Variants in TTLL6 observed in about 807,000 individuals in gnomAD.
The protein encoded by TTLL6 is tubulin tyrosine ligase like 6.
Under a neutral mutation model 96.4 loss-of-function variants are expected in TTLL6, and 75 were observed. That is an observed-to-expected ratio of 0.78 (90% CI 0.65 to 0.94). The LOEUF is 0.94. Among genes scored for constraint, TTLL6 ranks in the 40% least tolerant of loss-of-function variants. TTLL6 has a pLI of 0.00. For missense variants in TTLL6, 1,030 were observed against 1,093.0 expected, an observed-to-expected ratio of 0.94 and a Z score of 0.81; for synonymous variants, 411 against 419.4, an observed-to-expected ratio of 0.98 and a Z score of 0.24.
chr17:48,804,992 C>G lies in TTLL6; in HGVS notation c.104-1G>C. 6.4e-7 allele frequency: 1 copy of G among 1,550,768 alleles called. No individual in the cohort carries two copies. The highest frequency in any genetic ancestry group is 8.7e-7 in the Non-Finnish European group (1 of 1,146,286). The stretch of plus-strand genomic sequence containing the variant: ...GAGGCTCTGGGGAAATACCAGGCCC[C>G]TAGAGAGAGGGCAGAGGGAGCCGCA... On this transcript the variant is annotated splice_acceptor_variant, in intron 1 of 15. Transcript: ENST00000393382. LOFTEE classifies it high-confidence loss of function.
chr17:48,805,108 A>C (rs1183878557), intron 1 of TTLL6, 117 bp from the exon 2 acceptor site: 1 of 799,136 alleles, frequency 1.3e-6, no homozygotes, highest in African/African-American at 1.7e-5. Context: ...GTTGCAGTTT[A>C]TAAAATGCCA....
intron 11 of TTLL6, among the ~76,000 whole-genome samples, chr17:48,787,262 G>A (rs2039118527): frequency 6.6e-6 from 1 of 152,202 alleles, no homozygotes; most frequent in South Asian, 2.1e-4. Context: ...AATCCATGAG[G>A]CAGCTTTGAG....
At chr17:48,768,391 C>T (rs948776292) in intron 15 of TTLL6, among the ~76,000 whole-genome samples, 8 of 152,256 alleles carry the variant, frequency 5.3e-5, no homozygotes, top group South Asian at 2.1e-4. Context: ...CTGCCTCAGC[C>T]TCCCGAGTGG....
rs548015570 is a variant in TTLL6, at chr17:48,771,107, C to T, written c.2041-1010G>A. Among the ~76,000 whole-genome samples the T allele has an allele frequency of 3.7e-3, 561 of 152,246 alleles. 3 individuals carry two copies. The highest frequency in any genetic ancestry group is 6.7e-3 in the Non-Finnish European group (456 of 68,024). ...GGCTAGAGGTAAAGTTTGAGGCAAT[C>T]AGAGAAGCCAGAGAAACAGAGTGTA... On this transcript the variant is annotated intron_variant, in intron 13 of 15. Coordinates refer to ENST00000393382, the MANE Select transcript of TTLL6 (RefSeq NM_001130918.3).
intron 5 of TTLL6, chr17:48,799,983 C>T (rs2039381714): frequency 1.8e-6 from 1 of 550,252 alleles, no homozygotes; most frequent in East Asian, 3.0e-5. Flanking sequence ...AGCAACACCA[C>T]TTACCAGTGG....
rs2039087648 is a variant in TTLL6 at position 48,786,172 on chromosome 17, AG to A, written c.1752del (p.Ser585ProfsTer8). On this transcript the variant is annotated frameshift_variant, in exon 12 of 16. Transcript: ENST00000393382. LOFTEE classifies it high-confidence loss of function. The stretch of plus-strand genomic sequence containing the variant: ...CCTCAATCCAGGTTTACCTGTTTGG[AG>A]GCTTGGGTGGCGGCCTTGTCTTTCT... ...QQQKDKAATQASKQYIQPLTL... is the reference protein window; with the variant it reads ...QQQKDKAATQXSKQYIQPLTL... 6.2e-7 allele frequency: 1 copy of A among 1,614,012 alleles called. No individual in the cohort carries two copies. The highest frequency in any genetic ancestry group is 8.5e-7 in the Non-Finnish European group (1 of 1,180,012).
At position 48,777,767 on chromosome 17, in the gene TTLL6, C is replaced by T. The variant is rs1272551417; in HGVS notation, c.2040+7156G>A. Among the ~76,000 whole-genome samples the T allele has an allele frequency of 7.3e-5, 11 of 150,680 alleles. 1 individual carries two copies. The South Asian group carries it at 8.4e-4, about 11-fold the overall frequency. Reference sequence around the variant, plus strand: ...AATATACAAAAATACAAAAATTAGCCGGGCATGGTGGTGGGCGCCTGTAGT... The same window carrying T: ...AATATACAAAAATACAAAAATTAGCTGGGCATGGTGGTGGGCGCCTGTAGT... On this transcript the variant is annotated intron_variant, in intron 13 of 15. Coordinates refer to ENST00000393382, the MANE Select transcript of TTLL6 (RefSeq NM_001130918.3).
Position 48,804,880 on chromosome 17 carries a change from T to C in TTLL6, c.215A>G (p.Glu72Gly). 6 of 1,552,316 alleles carry C rather than the reference T, an allele frequency of 3.9e-6. No homozygotes were observed. The highest frequency in any genetic ancestry group is 5.2e-6 in the Non-Finnish European group (6 of 1,147,128). ...CAGCGCGACGGTTTCTTTTGGATCT[T>C]CTTTGGAACTGTCCCCCTTCTCTTC... ...NSEEKGDSSK[E>G]DPKETVALAF... Residue 72 changes from glutamate (E) to glycine (G), a missense_variant, in exon 2 of 16, where the codon GAA becomes GGA. Glu to Gly is a moderately conservative substitution (Grantham distance 98, BLOSUM62 -2). Transcript: ENST00000393382.
chr17:48,791,507 G>A lies in TTLL6; in HGVS notation c.1095C>T (p.Ile365=). ...TATGCCTGATGATGGGGTGGGCCGAGATGAGGGTCTTGATGATGACGTCCT... is the reference window on the plus strand; with the variant it reads ...TATGCCTGATGATGGGGTGGGCCGAAATGAGGGTCTTGATGATGACGTCCT... ...DIEDVIIKTL[I]SAHPIIRHNY... Residue 365 remains isoleucine, a synonymous_variant, in exon 9 of 16, where the codon ATC becomes ATT. Transcript: ENST00000393382. 1 of 1,614,224 alleles carries A rather than the reference G, an allele frequency of 6.2e-7. No individual in the cohort carries two copies. Among genetic ancestry groups the A allele is most frequent in the Non-Finnish European group, 8.5e-7 (1 of 1,180,044 alleles).
rs1394629541 is a variant in TTLL6 at position 48,799,681 on chromosome 17, T to A, written c.691A>T (p.Lys231Ter). The A allele has an allele frequency of 6.4e-7, 1 of 1,551,834 alleles. No individual in the cohort carries two copies. The highest frequency in any genetic ancestry group is 8.7e-7 in the Non-Finnish European group (1 of 1,147,006). ...ACTGTCCGGGTGATGAATATACCTT[T>A]CCCTTGGCAGCCCGAATCCGGCTTA... ...ICKPDSGCQG[K>*]GIFITRTVKE... is the part of the protein sequence containing the mutation. Residue 231 changes from lysine to a stop codon, truncating the protein, a stop_gained, in exon 6 of 16, where the codon AAA (lysine) becomes TAA (stop). Transcript: ENST00000393382. LOFTEE classifies it high-confidence loss of function.
intron 1 of TTLL6, chr17:48,806,123 A>C (rs1366353378): frequency 1.4e-5 from 2 of 141,226 alleles, no homozygotes; most frequent in Non-Finnish European, 3.1e-5. Context: ...AAAAAAAAAA[A>C]ATTAGCCATA....
intron 13 of TTLL6, among the ~76,000 whole-genome samples, chr17:48,775,823 G>A (rs1264204617): frequency 6.6e-6 from 1 of 152,060 alleles, no homozygotes; most frequent in Non-Finnish European, 1.5e-5. Flanking sequence ...TTACAGGCGT[G>A]AGCCACTGCA....
intron 9 of TTLL6, among the ~76,000 whole-genome samples, chr17:48,791,020 C>G (rs1034453946): frequency 6.6e-6 from 1 of 152,170 alleles, no homozygotes; most frequent in Admixed American, 6.5e-5. Flanking sequence ...GAGTGGGGCA[C>G]CGCCGCTCCT....
chr17:48,769,608 C>T, intron 14 of TTLL6, 120 bp downstream of exon 14: 3 of 1,287,746 alleles, frequency 2.3e-6, no homozygotes, highest in Non-Finnish European at 3.2e-6. Flanking sequence ...CTGGGGTTTC[C>T]CTGAAGACAG....
chr17:48,786,366 G>T (rs201033217), intron 11 of TTLL6, 31 bp from the exon 12 acceptor site: 26 of 1,613,738 alleles, frequency 1.6e-5, no homozygotes, highest in Non-Finnish European at 2.1e-5. Context: ...AACATCATGG[G>T]GGTTAGAAAT....
chr17:48,799,300 C>A (rs2039370236), intron 6 of TTLL6, among the ~76,000 whole-genome samples: 1 of 152,240 alleles, frequency 6.6e-6, no homozygotes, highest in Non-Finnish European at 1.5e-5. Context: ...CAGCATCATG[C>A]CCCTTTCCCA....
intron 1 of TTLL6, among the ~76,000 whole-genome samples, chr17:48,805,643 C>T (rs2039494000): frequency 6.6e-6 from 1 of 152,158 alleles, no homozygotes; most frequent in Non-Finnish European, 1.5e-5. Context: ...ATCTCATCCT[C>T]CCTGGCCCCA....
chr17:48,782,197 C>T (rs1340281912), intron 13 of TTLL6, among the ~76,000 whole-genome samples: 1 of 151,600 alleles, frequency 6.6e-6, no homozygotes, highest in Non-Finnish European at 1.5e-5. Flanking sequence ...CCTCTGCCTC[C>T]CAGGTTCAAG....
intron 13 of TTLL6, among the ~76,000 whole-genome samples, chr17:48,772,938 A>T (rs1289597556): frequency 1.5e-5 from 2 of 130,904 alleles, no homozygotes; most frequent in Non-Finnish European, 3.3e-5. Context: ...CAGAAGGTTG[A>T]GCCTGCAGTA....
Sources: allele counts gnomAD v4.1 joint callset (sites outside exome capture counted in the v4.1 genomes callset), GRCh38; gene constraint gnomAD v4.1.1; transcripts MANE v1.5; gene names NCBI Gene and HGNC (gene_info 2026-07-23, HGNC 2026-07-21).